EYS: variants seen among roughly 807,000 people sequenced by gnomAD.
EYS encodes EGF-like photoreceptor maintenance factor, also known as protein eyes shut homolog.
In EYS, 250 loss-of-function variants were observed where a neutral mutation model predicts 282.1. The observed-to-expected ratio is 0.89, with a 90% confidence interval of 0.80 to 0.98. EYS has a LOEUF of 0.98. EYS is among the 50% of genes least tolerant of loss of function. EYS has a pLI of 0.00. For missense variants in EYS, 4,016 were observed against 3,709.0 expected (o/e 1.08, Z -2.15); for synonymous variants, 1,355 against 1,282.9 (o/e 1.06, Z -1.20).
At chr6:64,123,555 T>C (rs1773661289) in intron 31 of EYS, among the ~76,000 whole-genome samples, 1 of 152,160 alleles carries the variant, frequency 6.6e-6, no homozygotes, top group South Asian at 2.1e-4. Context: ...CTTTTAGCAA[T>C]CTTGGTTTGG....
At chr6:65,468,686 A>T (rs1054317803) in intron 5 of EYS, among the ~76,000 whole-genome samples, 1 of 143,774 alleles carries the variant, frequency 7.0e-6, no homozygotes, top group African/African-American at 2.4e-5. Context: ...TAAAAAACAT[A>T]TACCTTGATA....
intron 36 of EYS, among the ~76,000 whole-genome samples, chr6:63,841,435 T>A (rs1232247608): frequency 6.6e-6 from 1 of 152,182 alleles, no homozygotes; most frequent in Non-Finnish European, 1.5e-5. Flanking sequence ...TTTTTGGTGT[T>A]CTTATCTATA....
intron 29 of EYS, among the ~76,000 whole-genome samples, chr6:64,314,194 C>A (rs143472468): frequency 8.2e-3 from 225 of 27,592 alleles, no homozygotes; most frequent in East Asian, 0.02. Flanking sequence ...AAATGGAAAG[C>A]AAAAAAAAAA....
chr6:63,817,958 T>A (rs574812327), intron 36 of EYS, among the ~76,000 whole-genome samples: 1 of 152,246 alleles, frequency 6.6e-6, no homozygotes, highest in East Asian at 1.9e-4. Flanking sequence ...CTTCTCACTG[T>A]GTGTGTGCAT....
intron 14 of EYS, among the ~76,000 whole-genome samples, chr6:64,953,799 T>A (rs1440544596): frequency 3.3e-5 from 5 of 151,894 alleles, no homozygotes; most frequent in Admixed American, 3.3e-4. Flanking sequence ...AGTGATACTT[T>A]CAAGGCAAAA....
rs147219921 is a variant in EYS at position 63,831,329 on chromosome 6, G to A, written c.7229-24957C>T. 3.8e-3 allele frequency among the ~76,000 whole-genome samples: 585 copies of A among 152,234 alleles called. 3 individuals carry two copies. Among genetic ancestry groups the A allele is most frequent in the African/African-American group, 0.012 (508 of 41,532 alleles). ...GCTGTACTCAGGAGACCCATCTCAT[G>A]TGCAGAGACACACATAAGCTCAAAA... On this transcript the variant is annotated intron_variant, in intron 36 of 42. Transcript: ENST00000503581.
intron 1 of EYS, among the ~76,000 whole-genome samples, chr6:65,694,617 TCAGCCTGCCTGACTTGGAATCC>T (rs202190820): frequency 0.01 from 1,504 of 149,878 alleles, 53 homozygotes; most frequent in African/African-American, 0.034. Flanking sequence ...CTTTCTGGGG[TCAGCCTGCCTGACTTGGAATCC>T]CAGACCCAAC....
chr6:65,272,901 G>A (rs779602729), intron 12 of EYS, among the ~76,000 whole-genome samples: 10 of 152,058 alleles, frequency 6.6e-5, no homozygotes, highest in Non-Finnish European at 1.2e-4. Context: ...GGATGATAGG[G>A]CCTACCATAA....
intron 22 of EYS, among the ~76,000 whole-genome samples, chr6:64,801,211 G>A (rs1344592440): frequency 6.6e-6 from 1 of 152,036 alleles, no homozygotes; most frequent in African/African-American, 2.4e-5. Context: ...ATGTAAATTT[G>A]TAAAAGTCAA....
intron 28 of EYS, among the ~76,000 whole-genome samples, chr6:64,403,654 C>A (rs114987558): frequency 0.042 from 6,366 of 152,068 alleles, 170 homozygotes; most frequent in Middle Eastern, 0.065. Flanking sequence ...ACTGTGCCCA[C>A]CCTGAAAGTA....
chr6:63,894,004 AC>A (rs1216019755), intron 35 of EYS, among the ~76,000 whole-genome samples: 3 of 152,120 alleles, frequency 2.0e-5, no homozygotes, highest in African/African-American at 7.2e-5. Flanking sequence ...GAGAGACCTG[AC>A]TGTGTGAGGA....
intron 22 of EYS, among the ~76,000 whole-genome samples, chr6:64,686,868 C>CACACACATATATACGTGTGTATATAT (rs1394806901): frequency 5.0e-5 from 4 of 80,262 alleles, no homozygotes; most frequent in African/African-American, 1.7e-4. Flanking sequence ...TATATATATA[C>CACACACATATATACGTGTGTATATAT]GTGTATATAT....
At chr6:64,252,048 GA>G (rs1684033243) in intron 30 of EYS, among the ~76,000 whole-genome samples, 2 of 152,102 alleles carry the variant, frequency 1.3e-5, no homozygotes, top group African/African-American at 4.8e-5. Context: ...GATGGATTTA[GA>G]AGTCAGTATA....
chr6:64,475,116 T>G (rs1562015162), intron 26 of EYS, among the ~76,000 whole-genome samples: 1 of 152,216 alleles, frequency 6.6e-6, no homozygotes, highest in African/African-American at 2.4e-5. Flanking sequence ...AAGATATTTT[T>G]GTGTTCACAA....
intron 5 of EYS, among the ~76,000 whole-genome samples, chr6:65,460,007 TAATTTTATTGTATGTATTA>T (rs1764769484): frequency 9.2e-6 from 1 of 108,154 alleles, no homozygotes; most frequent in Non-Finnish European, 1.9e-5. Context: ...TATATATATA[TAATTTTATTGTATGTATTA>T]ATATAATATA....
At chr6:63,791,577 CAAAA>C (rs889736940) in intron 37 of EYS, among the ~76,000 whole-genome samples, 4 of 52,716 alleles carry the variant, frequency 7.6e-5, no homozygotes, top group Non-Finnish European at 1.6e-4. Flanking sequence ...GACTCCCTCT[CAAAA>C]AAAAAAAAAA....
At chr6:65,617,302 G>A (rs1766237116) in intron 2 of EYS, among the ~76,000 whole-genome samples, 1 of 151,970 alleles carries the variant, frequency 6.6e-6, no homozygotes, top group African/African-American at 2.4e-5. Context: ...ACTTATGAGG[G>A]ACTTAAAATA....
intron 5 of EYS, among the ~76,000 whole-genome samples, chr6:65,424,899 G>A (rs1022516296): frequency 1.3e-5 from 2 of 151,898 alleles, no homozygotes; most frequent in South Asian, 4.2e-4. Context: ...TATATTTTCT[G>A]CCCAAATGAA....
chr6:63,793,168 A>T (rs1395579137), intron 37 of EYS, among the ~76,000 whole-genome samples: 1 of 152,216 alleles, frequency 6.6e-6, no homozygotes, highest in Non-Finnish European at 1.5e-5. Flanking sequence ...ATCATCAAGG[A>T]ACCCTATTAT....
Sources: allele counts gnomAD v4.1 joint callset (sites outside exome capture counted in the v4.1 genomes callset), GRCh38; gene constraint gnomAD v4.1.1; transcripts MANE v1.5; gene names NCBI Gene and HGNC (gene_info 2026-07-23, HGNC 2026-07-21).